The following LSAMP variants were observed in gnomAD, a reference collection of about 807,000 sequenced individuals.
LSAMP encodes limbic system-associated membrane protein.
In LSAMP, 7 loss-of-function variants were observed where a neutral mutation model predicts 38.6. The ratio of observed to expected loss-of-function variants is 0.18; its 90% CI spans 0.10 to 0.34. The LOEUF (loss-of-function observed/expected upper bound fraction) is 0.34. Among genes scored for constraint, LSAMP ranks in the 10% least tolerant of loss-of-function variants. LSAMP has a pLI of 1.00. For synonymous variants in LSAMP, 154 were observed against 166.8 expected (o/e 0.92, Z 0.59); for missense variants, 313 against 420.0 (o/e 0.75, Z 2.23).
chr3:115,860,766 G>A (rs1276784982), intron 3 of LSAMP, among the ~76,000 whole-genome samples: 7 of 152,190 alleles, frequency 4.6e-5, no homozygotes, highest in African/African-American at 1.7e-4. Context: ...TACTAGAGAA[G>A]ATTTCTGGGA....
At chr3:116,426,095 A>G (rs1351114204) in intron 1 of LSAMP, among the ~76,000 whole-genome samples, 1 of 152,186 alleles carries the variant, frequency 6.6e-6, no homozygotes, top group Non-Finnish European at 1.5e-5. Flanking sequence ...AAAAAAGAAT[A>G]TAAATAGTTG....
At chr3:116,284,101 C>T (rs1220123156) in intron 1 of LSAMP, among the ~76,000 whole-genome samples, 3 of 152,082 alleles carry the variant, frequency 2.0e-5, no homozygotes, top group Non-Finnish European at 4.4e-5. Flanking sequence ...GAGGAGAAGA[C>T]CAGGATGCAT....
intron 3 of LSAMP, among the ~76,000 whole-genome samples, chr3:115,972,452 T>C (rs906141634): frequency 6.6e-6 from 1 of 151,902 alleles, no homozygotes; most frequent in Non-Finnish European, 1.5e-5. Flanking sequence ...ATTAAAATTT[T>C]TGTATTTTAA....
At chr3:116,196,979 ACTGT>A (rs1174288883) in intron 1 of LSAMP, among the ~76,000 whole-genome samples, 3 of 152,150 alleles carry the variant, frequency 2.0e-5, no homozygotes, top group Non-Finnish European at 4.4e-5. Flanking sequence ...TTGAGCCCAA[ACTGT>A]CTGCACCTCC....
chr3:116,031,252 CTACAACACA>C (rs2107703804), intron 2 of LSAMP, among the ~76,000 whole-genome samples: 1 of 152,116 alleles, frequency 6.6e-6, no homozygotes, highest in East Asian at 1.9e-4. Context: ...TACTGAGTGC[CTACAACACA>C]TAAAGACATT....
At chr3:116,261,432 G>T (rs1180341313) in intron 1 of LSAMP, among the ~76,000 whole-genome samples, 2 of 151,984 alleles carry the variant, frequency 1.3e-5, no homozygotes, top group African/African-American at 2.4e-5. Flanking sequence ...TTATTATCTT[G>T]GCATCACATT....
chr3:116,332,530 G>C (rs1170867511), intron 1 of LSAMP, among the ~76,000 whole-genome samples: 4 of 152,024 alleles, frequency 2.6e-5, no homozygotes, highest in Non-Finnish European at 5.9e-5. Context: ...CATTTCTTTA[G>C]AGAAAAATGA....
intron 3 of LSAMP, among the ~76,000 whole-genome samples, chr3:115,871,582 AGTG>A (rs1016470769): frequency 6.9e-6 from 1 of 144,928 alleles, no homozygotes; most frequent in Non-Finnish European, 1.5e-5. Context: ...ACCAACGTGT[AGTG>A]TGTGTGTGTG....
At chr3:116,358,030 T>A (rs1440279276) in intron 1 of LSAMP, among the ~76,000 whole-genome samples, 2 of 152,200 alleles carry the variant, frequency 1.3e-5, no homozygotes, top group Non-Finnish European at 2.9e-5. Flanking sequence ...TTCCTCCTTA[T>A]GATACATGAG....
At chr3:116,162,931 C>T (rs1709933864) in intron 1 of LSAMP, among the ~76,000 whole-genome samples, 1 of 152,042 alleles carries the variant, frequency 6.6e-6, no homozygotes, top group Non-Finnish European at 1.5e-5. Context: ...TTTTGGTTGC[C>T]ATGGCTTGAC....
chr3:116,137,250 A>G (rs147209158), intron 1 of LSAMP, among the ~76,000 whole-genome samples: 2 of 152,030 alleles, frequency 1.3e-5, no homozygotes, highest in African/African-American at 2.4e-5. Flanking sequence ...TGAGATGCCT[A>G]TCTTAATTAC....
intron 3 of LSAMP, among the ~76,000 whole-genome samples, chr3:115,917,885 T>A (rs1025064082): frequency 6.6e-6 from 1 of 152,222 alleles, no homozygotes; most frequent in Non-Finnish European, 1.5e-5. Context: ...TCCATAAATA[T>A]AAAAATTATC....
intron 1 of LSAMP, among the ~76,000 whole-genome samples, chr3:116,308,110 T>C (rs925209624): frequency 1.3e-5 from 2 of 151,966 alleles, no homozygotes; most frequent in African/African-American, 4.8e-5. Flanking sequence ...CTGTTTCTTC[T>C]ACCTAAAAAC....
intron 2 of LSAMP, among the ~76,000 whole-genome samples, chr3:116,054,611 C>T (rs866344346): frequency 6.6e-6 from 1 of 152,182 alleles, no homozygotes; most frequent in Middle Eastern, 3.4e-3. Flanking sequence ...ACCTTCAAGC[C>T]ATTTTATATT....
chr3:115,890,690 T>C (rs1014011839), intron 3 of LSAMP, among the ~76,000 whole-genome samples: 2 of 151,894 alleles, frequency 1.3e-5, no homozygotes, highest in South Asian at 4.1e-4. Context: ...AAATGACACC[T>C]CAGTAAAAGA....
At chr3:116,115,256 G>A (rs898073270) in intron 1 of LSAMP, among the ~76,000 whole-genome samples, 1 of 152,254 alleles carries the variant, frequency 6.6e-6, no homozygotes, top group Non-Finnish European at 1.5e-5. Context: ...TTTGTTGAGC[G>A]TCTATTTTGT....
chr3:115,823,908 C>G (rs1221323675), intron 6 of LSAMP, among the ~76,000 whole-genome samples: 1 of 152,078 alleles, frequency 6.6e-6, no homozygotes, highest in Non-Finnish European at 1.5e-5. Context: ...TGGGTATTGT[C>G]GTATAAAGTA....
intron 3 of LSAMP, among the ~76,000 whole-genome samples, chr3:115,868,647 C>T (rs1010146347): frequency 3.9e-5 from 6 of 151,982 alleles, no homozygotes; most frequent in African/African-American, 1.4e-4. Context: ...TTTAAATACA[C>T]ATATTTAAAA....
chr3:116,269,135 A>G (rs900407844), intron 1 of LSAMP, among the ~76,000 whole-genome samples: 2 of 152,092 alleles, frequency 1.3e-5, no homozygotes, highest in African/African-American at 4.8e-5. Context: ...AAAACGCTTT[A>G]ATTACTCTCT....
Sources: allele counts gnomAD v4.1 joint callset (sites outside exome capture counted in the v4.1 genomes callset), GRCh38; gene constraint gnomAD v4.1.1; transcripts MANE v1.5; gene names NCBI Gene and HGNC (gene_info 2026-07-23, HGNC 2026-07-21).